GREB1: variants seen among roughly 807,000 people sequenced by gnomAD.
GREB1 encodes the protein growth regulating estrogen receptor binding 1, also known as protein GREB1.
A neutral mutation model predicts 200.7 loss-of-function variants in GREB1; 106 were observed. The observed-to-expected ratio is 0.53, with a 90% CI of 0.45 to 0.62. The LOEUF (loss-of-function observed/expected upper bound fraction) is 0.62. GREB1 is among the 20% of genes least tolerant of loss of function. The pLI, the probability that GREB1 is intolerant of heterozygous loss-of-function variation, is 0.00. For missense variants in GREB1, 2,243 were observed against 2,556.8 expected, an observed-to-expected ratio of 0.88 and a Z score of 2.65; for synonymous variants, 1,132 against 1,092.4, an observed-to-expected ratio of 1.04 and a Z score of -0.72.
intron 1 of GREB1, among the ~76,000 whole-genome samples, chr2:11,521,918 C>T (rs1673717972): frequency 6.6e-6 from 1 of 152,204 alleles, no homozygotes; most frequent in Non-Finnish European, 1.5e-5. Context: ...CCTGTTCCCA[C>T]ACGTGTCCTG....
At chr2:11,502,784 C>T (rs1261826747) in intron 1 of GREB1, among the ~76,000 whole-genome samples, 1 of 152,058 alleles carries the variant, frequency 6.6e-6, no homozygotes, top group African/African-American at 2.4e-5. Flanking sequence ...TTATCTGGAG[C>T]ACTTCATATA....
At chr2:11,632,335 CTTTTTTTTTTTT>C (rs567209224) in intron 27 of GREB1, among the ~76,000 whole-genome samples, 1 of 112,184 alleles carries the variant, frequency 8.9e-6, no homozygotes, top group African/African-American at 3.5e-5. Flanking sequence ...TTCTTTCTCT[CTTTTTTTTTTTT>C]TTTTTTTTTG....
At chr2:11,511,277 T>A (rs969314348) in intron 1 of GREB1, among the ~76,000 whole-genome samples, 1 of 152,168 alleles carries the variant, frequency 6.6e-6, no homozygotes, top group Non-Finnish European at 1.5e-5. Flanking sequence ...TGCTACACAA[T>A]CATCCCCATT....
intron 1 of GREB1, among the ~76,000 whole-genome samples, chr2:11,547,300 CT>C (rs1460983296): frequency 6.6e-6 from 1 of 152,236 alleles, no homozygotes; most frequent in Non-Finnish European, 1.5e-5. Flanking sequence ...TGGAGATCGG[CT>C]TTTAATTCCA....
chr2:11,554,417 C>T (rs964220379), intron 1 of GREB1, among the ~76,000 whole-genome samples: 3 of 152,132 alleles, frequency 2.0e-5, no homozygotes, highest in Non-Finnish European at 2.9e-5. Flanking sequence ...ATTATACCTT[C>T]GGGAGGGAAA....
rs144464457 is a variant in GREB1, at chr2:11,634,361, C to T, written c.5210+12C>T. The T allele has an allele frequency of 1.5e-4, 247 of 1,605,344 alleles. No homozygotes were observed. In the African/African-American group the frequency reaches 2.9e-3, roughly 19 times the overall value. ...TACAACCAGAACCGGTGAGCTCCTG[C>T]ACCTGGGGCAGAGGCGGCGGCAGCC... is the stretch of plus-strand genomic sequence containing the variant. On this transcript the variant is annotated intron_variant, in intron 29 of 32. Transcript: ENST00000381486.
At chr2:11,566,362 G>A in intron 3 of GREB1, 118 bp from the exon 4 acceptor site, 2 of 939,196 alleles carry the variant, frequency 2.1e-6, no homozygotes, top group Admixed American at 3.1e-5. Context: ...TTGAGGTCAA[G>A]CACACCCAGG....
intron 1 of GREB1, among the ~76,000 whole-genome samples, chr2:11,539,255 T>C (rs1674549467): frequency 6.6e-6 from 1 of 151,850 alleles, no homozygotes; most frequent in African/African-American, 2.4e-5. Context: ...CTCATTATGT[T>C]GCCCAGGCTG....
At chr2:11,584,950 G>A in intron 7 of GREB1, 3 of 418,498 alleles carry the variant, frequency 7.2e-6, no homozygotes, top group Non-Finnish European at 1.3e-5. Context: ...GCCTAAGGAG[G>A]GGTGAACCGG....
rs76548726 is a variant in GREB1, at chr2:11,509,775, G to A, written c.-159+27394G>A. On this transcript the variant is annotated intron_variant, in intron 1 of 2. Coordinates refer to the GREB1 transcript ENST00000628795. ...GATGCAGTGAGAAGGCCCCATCTTT[G>A]AAGCAGAGACGGAGCCCTCACCAGA... is the stretch of plus-strand genomic sequence containing the variant. Among the ~76,000 whole-genome samples, 1,467 of 152,318 alleles carry A rather than the reference G, an allele frequency of 9.6e-3. 24 individuals carry two copies. The highest frequency in any genetic ancestry group is 0.034 in the African/African-American group (1,406 of 41,570).
intron 1 of GREB1, among the ~76,000 whole-genome samples, chr2:11,525,214 T>C (rs1235200990): frequency 6.6e-6 from 1 of 152,096 alleles, no homozygotes; most frequent in Non-Finnish European, 1.5e-5. Flanking sequence ...GCCTTTAAAA[T>C]GGCATCCGGG....
intron 13 of GREB1, 66 bp downstream of exon 13, chr2:11,596,305 G>C: frequency 6.9e-7 from 1 of 1,443,864 alleles, no homozygotes; most frequent in Non-Finnish European, 9.6e-7. Context: ...GGCAGGGTCA[G>C]TGGGCGCAGG....
At chr2:11,596,290 T>G in intron 13 of GREB1, 51 bp downstream of exon 13, 1 of 1,555,164 alleles carries the variant, frequency 6.4e-7, no homozygotes, top group Non-Finnish European at 8.8e-7. Context: ...AAAGTAGTGA[T>G]GAGGGGCAGG....
At chr2:11,559,633 C>T (rs1676785981) in intron 2 of GREB1, among the ~76,000 whole-genome samples, 1 of 152,218 alleles carries the variant, frequency 6.6e-6, no homozygotes, top group South Asian at 2.1e-4. Context: ...GCCATCCCCT[C>T]TGAGCCTCTG....
intron 15 of GREB1, among the ~76,000 whole-genome samples, chr2:11,599,909 C>T (rs1169056598): frequency 6.6e-6 from 1 of 152,306 alleles, no homozygotes; most frequent in Admixed American, 6.5e-5. Flanking sequence ...AGCCAAGCGC[C>T]TGGCAGGATT....
intron 4 of GREB1, among the ~76,000 whole-genome samples, chr2:11,571,247 AGT>A (rs1678253554): frequency 6.6e-6 from 1 of 152,122 alleles, no homozygotes; most frequent in Admixed American, 6.5e-5. Flanking sequence ...TGCTAGGTAT[AGT>A]GTGTGCTCGT....
chr2:11,598,080 C>T, intron 14 of GREB1, 102 bp downstream of exon 14: 3 of 843,340 alleles, frequency 3.6e-6, no homozygotes, highest in South Asian at 1.4e-5. Flanking sequence ...GTGAATAGGG[C>T]AAGTATTGCT....
At chr2:11,593,222 C>A in intron 11 of GREB1, 96 bp downstream of exon 11, 1 of 881,740 alleles carries the variant, frequency 1.1e-6, no homozygotes, top group Non-Finnish European at 1.7e-6. Flanking sequence ...TAGGGTGGCC[C>A]GGGTTTGCAG....
Position 11,618,887 on chromosome 2 carries a change from C to A in GREB1, c.4012C>A (p.Pro1338Thr), listed in dbSNP as rs1433049095. The A allele has an allele frequency of 6.4e-7, 1 of 1,555,748 alleles. No individual in the cohort carries two copies. Among genetic ancestry groups the A allele is most frequent in the South Asian group, 1.2e-5 (1 of 82,870 alleles). ...RAEGRVDGFH[P>T]RRLLLSGPPQ... Reference sequence around the variant, plus strand: ...CGAGGGCCGCGTGGACGGCTTCCACCCCCGCAGGCTGCTGCTCAGCGGCCC... The same window carrying A: ...CGAGGGCCGCGTGGACGGCTTCCACACCCGCAGGCTGCTGCTCAGCGGCCC... The change falls in exon 22 of 33, where the codon CCC becomes ACC. Residue 1338 changes from proline to threonine, a missense_variant. Physicochemically the swap from Pro to Thr is conservative, Grantham distance 38. Transcript: ENST00000381486.
Sources: allele counts gnomAD v4.1 joint callset (sites outside exome capture counted in the v4.1 genomes callset), GRCh38; gene constraint gnomAD v4.1.1; transcripts MANE v1.5; gene names NCBI Gene and HGNC (gene_info 2026-07-23, HGNC 2026-07-21).